The following TESK2 variants were observed in gnomAD, a reference collection of about 807,000 sequenced individuals.
TESK2 encodes testis associated actin remodelling kinase 2.
A neutral mutation model predicts 57.1 loss-of-function variants in TESK2; 39 were observed. The observed-to-expected ratio is 0.68, with a 90% confidence interval of 0.53 to 0.89. The LOEUF (loss-of-function observed/expected upper bound fraction) is 0.89, where lower values mean the gene tolerates loss of function less well. Among genes scored for constraint, TESK2 ranks in the 40% least tolerant of loss-of-function variants. The pLI is 0.00. For missense variants in TESK2, 646 were observed against 732.1 expected (o/e 0.88, Z 1.36); for synonymous variants, 249 against 267.9 (o/e 0.93, Z 0.69).
At position 45,465,235 on chromosome 1, in the gene TESK2, C is replaced by CA. The variant is rs1172793004; in HGVS notation, c.-86-7365dup. Among the ~76,000 whole-genome samples, 450 of 143,040 alleles carry CA rather than the reference C, an allele frequency of 3.1e-3. 2 individuals carry two copies. The highest frequency in any genetic ancestry group is 0.012 in the South Asian group (53 of 4,492). 93.8% of individuals were successfully genotyped at this position (143,040 alleles called of 152,430 possible). ...TGGGAGATAGAGCAAGACTCCATCT[C>CA]AAAAAAAAAAGAAAAAGAAAAGAAA... On this transcript the variant is annotated intron_variant, in intron 1 of 10. Coordinates refer to ENST00000372086, the MANE Select transcript of TESK2 (RefSeq NM_007170.3).
At position 45,347,041 on chromosome 1, in the gene TESK2, T is replaced by C. The variant is rs771196711; in HGVS notation, c.730A>G (p.Ile244Val). ...CGGGCGATGATCTCGCAGAGGATGA[T>C]ACCATAAGAGAACACATCTGCCTGG... ...NEKADVFSYG[I>V]ILCEIIARIQ... The change falls in exon 8 of 11, where the codon ATC (isoleucine) becomes GTC (valine). Residue 244 changes from isoleucine (I) to valine (V), a missense_variant. Coordinates refer to ENST00000372086, the MANE Select transcript of TESK2 (RefSeq NM_007170.3). 1.9e-6 allele frequency: 3 copies of C among 1,614,198 alleles called. No individual in the cohort carries two copies. Among genetic ancestry groups the C allele is most frequent in the South Asian group, 2.2e-5 (2 of 91,088 alleles).
chr1:45,450,027 T>C (rs1190675257), intron 2 of TESK2, among the ~76,000 whole-genome samples: 1 of 152,200 alleles, frequency 6.6e-6, no homozygotes, highest in Non-Finnish European at 1.5e-5. Flanking sequence ...ATGATAGAGA[T>C]ATTTTCTTAA....
intron 2 of TESK2, among the ~76,000 whole-genome samples, chr1:45,423,012 C>A (rs1411255197): frequency 6.6e-6 from 1 of 151,984 alleles, no homozygotes; most frequent in Non-Finnish European, 1.5e-5. Context: ...TTGTGATCCA[C>A]CAGCCTTGGC....
intron 2 of TESK2, among the ~76,000 whole-genome samples, chr1:45,425,694 C>T (rs767724476): frequency 6.6e-6 from 1 of 151,968 alleles, no homozygotes; most frequent in Non-Finnish European, 1.5e-5. Flanking sequence ...AGTTATAAAA[C>T]ATTGATGTAA....
At chr1:45,352,729 A>C (rs1415960071) in intron 5 of TESK2, among the ~76,000 whole-genome samples, 1 of 152,022 alleles carries the variant, frequency 6.6e-6, no homozygotes, top group Non-Finnish European at 1.5e-5. Flanking sequence ...TATAGGAGAC[A>C]CTTGTGTGTG....
intron 3 of TESK2, among the ~76,000 whole-genome samples, chr1:45,413,579 TTCTTTC>T (rs895565679): frequency 6.6e-6 from 1 of 152,096 alleles, no homozygotes; most frequent in Non-Finnish European, 1.5e-5. Flanking sequence ...CTTTTTCTTT[TTCTTTC>T]TTTCTTTCTT....
intron 3 of TESK2, chr1:45,413,839 T>C: frequency 4.4e-6 from 2 of 456,020 alleles, no homozygotes; most frequent in South Asian, 3.1e-5. Context: ...TAATCTCAAT[T>C]TGGGGAAAAA....
chr1:45,395,264 G>C (rs1003683182), intron 3 of TESK2, among the ~76,000 whole-genome samples: 13 of 152,072 alleles, frequency 8.5e-5, no homozygotes, highest in Admixed American at 6.6e-4. Flanking sequence ...AAACCTGGAT[G>C]GTATAGCCTA....
intron 4 of TESK2, among the ~76,000 whole-genome samples, chr1:45,377,578 C>T (rs542925207): frequency 6.6e-6 from 1 of 151,112 alleles, no homozygotes; most frequent in South Asian, 2.1e-4. Context: ...GCCACCATGC[C>T]CAGCTAATTT....
intron 3 of TESK2, among the ~76,000 whole-genome samples, chr1:45,419,161 A>G (rs1300534159): frequency 1.3e-5 from 2 of 152,042 alleles, no homozygotes; most frequent in Admixed American, 1.3e-4. Context: ...TATTTTTAGT[A>G]GAGACGGGGT....
intron 3 of TESK2, among the ~76,000 whole-genome samples, chr1:45,415,510 T>C (rs1650202989): frequency 6.6e-6 from 1 of 152,136 alleles, no homozygotes; most frequent in African/African-American, 2.4e-5. Context: ...ATAGCTGGAT[T>C]GCAGAGTTAA....
At chr1:45,415,967 C>T (rs1043143644) in intron 3 of TESK2, among the ~76,000 whole-genome samples, 1 of 150,570 alleles carries the variant, frequency 6.6e-6, no homozygotes, top group African/African-American at 2.4e-5. Flanking sequence ...TGTTTTAGCT[C>T]ATCAGCTATT....
rs557759185 is a variant in TESK2, at chr1:45,353,673, C to T, written c.540+1630G>A. On this transcript the variant is annotated intron_variant, in intron 5 of 10. Coordinates refer to ENST00000372086, the MANE Select transcript of TESK2 (RefSeq NM_007170.3). The stretch of plus-strand genomic sequence containing the variant: ...GCAGGTACAAAACTCTTATACACCT[C>T]CCTAGCAGACTTTAATTCAGTTCTT... 3.2e-3 allele frequency among the ~76,000 whole-genome samples: 486 copies of T among 152,296 alleles called. 1 individual carries two copies. Among genetic ancestry groups the T allele is most frequent in the Non-Finnish European group, 5.0e-3 (342 of 68,022 alleles).
intron 3 of TESK2, chr1:45,399,033 C>T: frequency 2.4e-6 from 1 of 425,204 alleles, no homozygotes; most frequent in South Asian, 1.7e-5. Flanking sequence ...CTAGTTAGTC[C>T]ACCTGGACAA....
At chr1:45,379,201 T>C (rs1407890241) in intron 4 of TESK2, among the ~76,000 whole-genome samples, 2 of 152,232 alleles carry the variant, frequency 1.3e-5, no homozygotes, top group African/African-American at 4.8e-5. Context: ...GGTCTCACTT[T>C]GTTGTGCAGG....
intron 2 of TESK2, among the ~76,000 whole-genome samples, chr1:45,426,350 G>T (rs1650688048): frequency 6.6e-6 from 1 of 152,118 alleles, no homozygotes; most frequent in Non-Finnish European, 1.5e-5. Context: ...AACATACATT[G>T]GGGAAAGGAC....
At chr1:45,401,067 TA>T (rs1265514651) in intron 3 of TESK2, among the ~76,000 whole-genome samples, 3 of 143,198 alleles carry the variant, frequency 2.1e-5, no homozygotes, top group African/African-American at 7.6e-5. Flanking sequence ...AGGTGTGACA[TA>T]GTCTAAAACA....
At chr1:45,411,478 C>T (rs1332863211) in intron 3 of TESK2, among the ~76,000 whole-genome samples, 5 of 152,182 alleles carry the variant, frequency 3.3e-5, no homozygotes, top group Non-Finnish European at 7.3e-5. Flanking sequence ...TATAATGCCA[C>T]CGCTGATCTG....
chr1:45,409,274 A>G (rs1649953346), intron 3 of TESK2, among the ~76,000 whole-genome samples: 1 of 152,244 alleles, frequency 6.6e-6, no homozygotes, highest in Non-Finnish European at 1.5e-5. Context: ...TAGACTAGTC[A>G]AAAAGATTTC....
Sources: gnomAD v4.1 joint callset for allele counts (sites outside exome capture counted in the v4.1 genomes callset) on GRCh38, gnomAD v4.1.1 for gene constraint, MANE v1.5 for transcripts, NCBI Gene and HGNC (gene_info 2026-07-23, HGNC 2026-07-21) for gene names.